The following PTPRF variants were observed in gnomAD, a reference collection of about 807,000 sequenced individuals.
The protein encoded by PTPRF is receptor-type tyrosine-protein phosphatase F.
In PTPRF, 59 loss-of-function variants were observed where a neutral mutation model predicts 201.8. That is an observed-to-expected ratio of 0.29 (90% CI 0.24 to 0.36). The LOEUF (loss-of-function observed/expected upper bound fraction) is 0.36, where lower values mean the gene tolerates loss of function less well. Among genes scored for constraint, PTPRF ranks in the 10% least tolerant of loss-of-function variants. The pLI is 1.00. For missense variants in PTPRF, 2,132 were observed against 2,690.5 expected, an observed-to-expected ratio of 0.79 and a Z score of 4.59; for synonymous variants, 1,088 against 1,089.7, an observed-to-expected ratio of 1.00 and a Z score of 0.03.
chr1:43,563,856 GC>G lies in PTPRF; in HGVS notation c.380-5731del, dbSNP rs537497452. The stretch of plus-strand genomic sequence containing the variant: ...GCCACTGAAGGAGAGTCCAGTGTGG[GC>G]CCGAGTCTGGAACTCCAGTGTGGGT... On this transcript the variant is annotated intron_variant, in intron 5 of 33. Transcript: ENST00000359947. Among the ~76,000 whole-genome samples, 6 of 152,242 alleles carry G rather than the reference GC, an allele frequency of 3.9e-5. No individual in the cohort carries two copies. The South Asian group carries it at 1.2e-3, about 32-fold the overall frequency.
chr1:43,560,020 A>AGT (rs1009125766), intron 5 of PTPRF, among the ~76,000 whole-genome samples: 5 of 145,414 alleles, frequency 3.4e-5, no homozygotes, highest in African/African-American at 1.3e-4. Context: ...TGTATCAGGC[A>AGT]GTGTGTGTGT....
chr1:43,605,351 C>G lies in PTPRF; in HGVS notation c.3297C>G (p.Leu1099=). The G allele has an allele frequency of 6.2e-7, 1 of 1,613,944 alleles. No individual in the cohort carries two copies. The highest frequency in any genetic ancestry group is 8.5e-7 in the Non-Finnish European group (1 of 1,180,012). Residue 1099 remains leucine, a synonymous_variant, in exon 18 of 34, where the codon CTC becomes CTG. Coordinates refer to ENST00000359947, the MANE Select transcript of PTPRF (RefSeq NM_002840.5). The stretch of plus-strand genomic sequence containing the variant: ...TGTCCATCCGCACAGCCCCCGACCT[C>G]CTGCCTCACAAGCCGCTGCCTGCCT... ...HLVSIRTAPD[L]LPHKPLPASA...
chr1:43,597,863 C>T lies in PTPRF; in HGVS notation c.1929C>T (p.Ser643=), dbSNP rs3748801. ...DSRNGVITQY[S]VAYEAVDGED... is the part of the protein sequence containing the mutation. The stretch of plus-strand genomic sequence containing the variant: ...GCAACGGCGTTATCACCCAGTACTC[C>T]GTGGCCTACGAGGCGGTGGACGGCG... The change falls in exon 12 of 34, where the codon TCC becomes TCT. Residue 643 remains serine (S), a synonymous_variant. Coordinates refer to ENST00000359947, the MANE Select transcript of PTPRF (RefSeq NM_002840.5). 73 of 1,608,446 alleles carry T rather than the reference C, an allele frequency of 4.5e-5. No individual in the cohort carries two copies. The highest frequency in any genetic ancestry group is 5.9e-5 in the Non-Finnish European group (69 of 1,178,072).
intron 3 of PTPRF, among the ~76,000 whole-genome samples, chr1:43,550,827 G>T (rs991775095): frequency 6.6e-6 from 1 of 152,210 alleles, no homozygotes; most frequent in Non-Finnish European, 1.5e-5. Context: ...AGGGGGACTG[G>T]AGAAGGCAGT....
chr1:43,603,987 C>T lies in PTPRF; in HGVS notation c.2835C>T (p.Asn945=), dbSNP rs368237069. Residue 945 remains asparagine, a synonymous_variant, in exon 16 of 34, where the codon AAC becomes AAT. Coordinates refer to ENST00000359947, the MANE Select transcript of PTPRF (RefSeq NM_002840.5). This position sits in a 1 kb window ranked among gnomAD's most constrained non-coding sequence, Gnocchi z 5.8. ...AWDPPVLAER[N]GRIISYTVVF... ...ACCCGCCAGTGCTGGCGGAGAGGAA[C>T]GGGCGCATCATCAGCTACACCGTGG... 1.2e-5 allele frequency: 19 copies of T among 1,614,092 alleles called. No homozygotes were observed. Among genetic ancestry groups the T allele is most frequent in the Admixed American group, 1.7e-5 (1 of 60,012 alleles).
chr1:43,620,670 A>C, intron 31 of PTPRF, 91 bp downstream of exon 31: 1 of 1,559,922 alleles, frequency 6.4e-7, no homozygotes, highest in Non-Finnish European at 8.7e-7. Flanking sequence ...CAAGCTTCAG[A>C]AATCTGAGGC....
chr1:43,573,246 C>T (rs1557743643), intron 6 of PTPRF, among the ~76,000 whole-genome samples: 1 of 152,128 alleles, frequency 6.6e-6, no homozygotes, highest in Non-Finnish European at 1.5e-5. Context: ...GCTCAGAGCC[C>T]CTGCTGGGTC....
At chr1:43,598,479 C>T (rs942108497) in intron 12 of PTPRF, 4 of 527,146 alleles carry the variant, frequency 7.6e-6, no homozygotes, top group Non-Finnish European at 1.3e-5. Flanking sequence ...CATGTCGACC[C>T]TCCCCACCAA....
intron 8 of PTPRF, 134 bp downstream of exon 8, chr1:43,589,134 C>G (rs543823793): frequency 9.1e-7 from 1 of 1,101,064 alleles, no homozygotes; most frequent in East Asian, 3.0e-5. Flanking sequence ...TGTCCCTGCC[C>G]TGGGGTCCTC....
At position 43,591,174 on chromosome 1, in the gene PTPRF, A is replaced by G; in HGVS notation, c.1152A>G (p.Glu384=). 3.1e-6 allele frequency: 5 copies of G among 1,612,490 alleles called. No homozygotes were observed. Among genetic ancestry groups the G allele is most frequent in the Non-Finnish European group, 4.2e-6 (5 of 1,179,512 alleles). The change falls in exon 9 of 34, where the codon GAA becomes GAG. Residue 384 remains glutamate (E), a synonymous_variant. Transcript: ENST00000359947. The part of the protein sequence containing the change: ...YSIGGLSPFS[E]YAFRVLAVNS... The stretch of plus-strand genomic sequence containing the variant: ...TTGGCGGCCTCAGCCCTTTCTCGGA[A>G]TATGCCTTCCGCGTGCTGGCGGTGA...
chr1:43,619,067 G>A lies in PTPRF; in HGVS notation c.4511G>A (p.Arg1504His), dbSNP rs769736949. 17 of 1,613,734 alleles carry A rather than the reference G, an allele frequency of 1.1e-5. No homozygotes were observed. The highest frequency in any genetic ancestry group is 2.2e-5 in the East Asian group (1 of 44,878). Residue 1504 changes from arginine (R) to histidine (H), a missense_variant, in exon 27 of 34, where the codon CGC (arginine) becomes CAC (histidine). By Grantham distance (29) the Arg-to-His change is conservative. Coordinates refer to ENST00000359947, the MANE Select transcript of PTPRF (RefSeq NM_002840.5). The stretch of plus-strand genomic sequence containing the variant: ...CCCCAGAGTGGCTCCAGTGAGAAGC[G>A]CGAGCTGCGTCAGTTTCAGTTCATG... ...ALHKSGSSEK[R>H]ELRQFQFMAW...
At chr1:43,540,227 CG>C (rs1379820843) in intron 2 of PTPRF, among the ~76,000 whole-genome samples, 1 of 152,206 alleles carries the variant, frequency 6.6e-6, no homozygotes, top group Non-Finnish European at 1.5e-5. Flanking sequence ...TGTCTCCAGT[CG>C]TTGCGTAATG....
chr1:43,616,031 TGTTGAATAGTACC>T (rs1308813019), intron 23 of PTPRF, among the ~76,000 whole-genome samples: 1 of 151,822 alleles, frequency 6.6e-6, no homozygotes. Flanking sequence ...CATGCCCTGG[TGTTGAATAGTACC>T]GACAGGCGTG....
intron 5 of PTPRF, among the ~76,000 whole-genome samples, chr1:43,567,690 AG>A (rs935780775): frequency 6.6e-6 from 1 of 152,082 alleles, no homozygotes; most frequent in African/African-American, 2.4e-5. Flanking sequence ...CCCGCCCCCC[AG>A]TCGCTCTCCC....
intron 1 of PTPRF, among the ~76,000 whole-genome samples, chr1:43,531,541 GCGCCCC>G (rs904200390): frequency 1.0e-4 from 15 of 146,926 alleles, no homozygotes; most frequent in African/African-American, 3.2e-4. Flanking sequence ...GGTCCAGGCC[GCGCCCC>G]CGCCCCCGCC....
In PTPRF at chr1:43,620,564, G is replaced by A; in HGVS notation, c.5349G>A (p.Lys1783=). Residue 1783 remains lysine (K), a synonymous_variant, in exon 31 of 34, where the codon AAG becomes AAA. Coordinates refer to ENST00000359947, the MANE Select transcript of PTPRF (RefSeq NM_002840.5). ...NMPQYILREF[K]VTDARDGQSR... ...CCCAGTATATCCTGCGTGAGTTCAA[G>A]GTCACGGATGCCCGGGTGAGTGAGT... 1 of 1,614,016 alleles carries A rather than the reference G, an allele frequency of 6.2e-7. No individual in the cohort carries two copies. Among genetic ancestry groups the A allele is most frequent in the Non-Finnish European group, 8.5e-7 (1 of 1,179,932 alleles).
In PTPRF at chr1:43,544,305, T is replaced by A. The variant is rs1006994348; in HGVS notation, c.-45-726T>A. The stretch of plus-strand genomic sequence containing the variant: ...CTGGCCACTGAGGCCTCCCTGTGGT[T>A]TCTCTGTGAAGTAGGAAGGTGCCAT... On this transcript the variant is annotated intron_variant, in intron 2 of 33. Transcript: ENST00000359947. 6.6e-4 allele frequency among the ~76,000 whole-genome samples: 100 copies of A among 152,298 alleles called. 1 individual carries two copies. The highest frequency in any genetic ancestry group is 2.4e-3 in the African/African-American group (99 of 41,574).
intron 9 of PTPRF, 72 bp from the exon 10 acceptor site, chr1:43,591,740 C>A: frequency 6.3e-7 from 1 of 1,576,368 alleles, no homozygotes; most frequent in East Asian, 2.3e-5. Context: ...CTGACTTCCT[C>A]GGCTCCCTCC....
chr1:43,534,823 G>T (rs1643902927), intron 1 of PTPRF, among the ~76,000 whole-genome samples: 1 of 152,150 alleles, frequency 6.6e-6, no homozygotes, highest in African/African-American at 2.4e-5. Context: ...GTTTTATACT[G>T]CTAGGATTGG....
Sources: allele counts gnomAD v4.1 joint callset (sites outside exome capture counted in the v4.1 genomes callset), GRCh38; gene constraint gnomAD v4.1.1; non-coding constraint Gnocchi (gnomAD v3.1); transcripts MANE v1.5; gene names NCBI Gene and HGNC (gene_info 2026-07-23, HGNC 2026-07-21).